LRRK1: variants seen among roughly 807,000 people sequenced by gnomAD.
LRRK1 encodes the protein leucine-rich repeat serine/threonine-protein kinase 1.
LRRK1 carries 113 observed loss-of-function variants against 209.1 expected under a neutral mutation model. That is an observed-to-expected ratio of 0.54 (90% CI 0.46 to 0.63). The LOEUF is 0.63. Among genes scored for constraint, LRRK1 ranks in the 30% least tolerant of loss-of-function variants. The pLI, the probability that LRRK1 is intolerant of heterozygous loss-of-function variation, is 0.00. For synonymous variants in LRRK1, 1,144 were observed against 1,099.7 expected, an observed-to-expected ratio of 1.04 and a Z score of -0.80; for missense variants, 2,284 against 2,632.2, an observed-to-expected ratio of 0.87 and a Z score of 2.89.
In LRRK1 at chr15:101,014,351, G is replaced by A; in HGVS notation, c.1455G>A (p.Leu485=). Residue 485 remains leucine (L), a synonymous_variant, in exon 11 of 34, where the codon CTG becomes CTA. Coordinates refer to ENST00000388948, the MANE Select transcript of LRRK1 (RefSeq NM_024652.6). The part of the protein sequence containing the change: ...LMFLRLQGNQ[L]AALPPQEKWT... Reference sequence around the variant, plus strand: ...TCTTGAGGTTACAGGGGAACCAGCTGGCGGCACTTCCACCTCAAGAGAAGT... The same window carrying A: ...TCTTGAGGTTACAGGGGAACCAGCTAGCGGCACTTCCACCTCAAGAGAAGT... The A allele has an allele frequency of 1.9e-6, 3 of 1,613,964 alleles. No individual in the cohort carries two copies. The highest frequency in any genetic ancestry group is 2.5e-6 in the Non-Finnish European group (3 of 1,179,928).
chr15:101,070,808 T>C lies in LRRK1; in HGVS notation c.*1960T>C, dbSNP rs931871374. 3.7e-5 allele frequency: 5 copies of C among 136,134 alleles called. No individual in the cohort carries two copies. The highest frequency in any genetic ancestry group is 6.4e-5 in the Non-Finnish European group (4 of 62,686). The allele number at this position is 136,134 out of a possible 1,614,324, so 8.4% of individuals were successfully genotyped here. ...CCAACTCTTAAAAAAAAAAAAAAAA[T>C]ACAGGAAATGACTAATGAACTTGAC... On this transcript the variant is annotated 3_prime_UTR_variant, in exon 34 of 34. Coordinates refer to ENST00000388948, the MANE Select transcript of LRRK1 (RefSeq NM_024652.6).
At chr15:101,056,751 GTT>G (rs2141144001) in intron 27 of LRRK1, 103 bp from the exon 28 acceptor site, 1 of 859,644 alleles carries the variant, frequency 1.2e-6, no homozygotes, top group African/African-American at 1.7e-5. Flanking sequence ...TTGAATGTTT[GTT>G]TTCCTTGTCT....
chr15:100,937,370 A>G (rs2042318838), intron 2 of LRRK1, among the ~76,000 whole-genome samples: 1 of 152,062 alleles, frequency 6.6e-6, no homozygotes, highest in Non-Finnish European at 1.5e-5. Flanking sequence ...GCTACTATTT[A>G]GTTCCCCTTT....
At chr15:101,021,024 A>G in intron 12 of LRRK1, 29 bp from the exon 13 acceptor site, 1 of 1,612,776 alleles carries the variant, frequency 6.2e-7, no homozygotes, top group South Asian at 1.1e-5. Flanking sequence ...TTATTTTTAA[A>G]TGCAGTCTGC....
chr15:100,988,701 G>A lies in LRRK1; in HGVS notation c.501G>A (p.Gly167=), dbSNP rs574380563. 1.2e-6 allele frequency: 2 copies of A among 1,614,228 alleles called. No individual in the cohort carries two copies. Among genetic ancestry groups the A allele is most frequent in the South Asian group, 2.2e-5 (2 of 91,090 alleles). Residue 167 remains glycine, a synonymous_variant, in exon 5 of 34, where the codon GGG becomes GGA. Coordinates refer to ENST00000388948, the MANE Select transcript of LRRK1 (RefSeq NM_024652.6). ...LALACQRGHL[G]VVKLLVLTHG... ...TGGCTTGCCAGCGAGGGCACCTGGG[G>A]GTTGTGAAGCTCCTGGTCCTGACGC...
intron 3 of LRRK1, among the ~76,000 whole-genome samples, chr15:100,980,451 G>T (rs2031536060): frequency 6.6e-6 from 1 of 152,172 alleles, no homozygotes; most frequent in Non-Finnish European, 1.5e-5. Context: ...ATGGGTGCGT[G>T]GCATGAGGGA....
chr15:100,924,574 C>CGGCAGT lies in LRRK1; in HGVS notation c.-51_-46dup. 6.9e-7 allele frequency: 1 copy of CGGCAGT among 1,451,052 alleles called. No homozygotes were observed. Among genetic ancestry groups the CGGCAGT allele is most frequent in the Non-Finnish European group, 9.7e-7 (1 of 1,033,240 alleles). The allele number at this position is 1,451,052 out of a possible 1,614,324, so 89.9% of individuals were successfully genotyped here. ...ACGCCTTAATGCACCCCACAGCCAG[C>CGGCAGT]GGCAGTGGCAGTGACAACAGCGGGA... On this transcript the variant is annotated 5_prime_UTR_variant, in exon 2 of 34. An upstream open reading frame in the 5' UTR loses its in-frame stop. Transcript: ENST00000388948.
chr15:101,003,229 A>G lies in LRRK1; in HGVS notation c.763-5608A>G, dbSNP rs114256116. On this transcript the variant is annotated intron_variant, in intron 6 of 33. Coordinates refer to ENST00000388948, the MANE Select transcript of LRRK1 (RefSeq NM_024652.6). ...CCAGAAACCATTTCCAAGCATGTCT[A>G]TTTTCCGAGTGTCAACATTTTTGCA... is the stretch of plus-strand genomic sequence containing the variant. Among the ~76,000 whole-genome samples, 1,015 of 152,248 alleles carry G rather than the reference A, an allele frequency of 6.7e-3. 9 individuals carry two copies. Among genetic ancestry groups the G allele is most frequent in the African/African-American group, 0.023 (954 of 41,534 alleles).
chr15:100,946,582 T>C (rs1039763323), intron 2 of LRRK1, among the ~76,000 whole-genome samples: 6 of 152,328 alleles, frequency 3.9e-5, no homozygotes, highest in Admixed American at 6.5e-5. Context: ...ATCAAATCTA[T>C]AGCATGGATG....
intron 4 of LRRK1, among the ~76,000 whole-genome samples, chr15:100,986,608 G>A (rs11636885): frequency 0.22 from 32,879 of 152,198 alleles, 3,876 homozygotes; most frequent in East Asian, 0.5. Flanking sequence ...AGAGCAGCCC[G>A]AAGAAGCTAG....
In LRRK1 at chr15:100,924,646, C is replaced by T. The variant is rs748591648; in HGVS notation, c.14C>T (p.Ser5Leu). 67 of 1,613,980 alleles carry T rather than the reference C, an allele frequency of 4.2e-5. 1 individual carries two copies. The highest frequency in any genetic ancestry group is 1.8e-4 in the South Asian group (16 of 91,072). The part of the protein sequence containing the change: MAGM[S>L]QRPPSMYWCV... ...CTGCAAGGGTTGATGGCTGGCATGTCGCAAAGACCCCCCAGCATGTACTGG... is the reference window on the plus strand; with the variant it reads ...CTGCAAGGGTTGATGGCTGGCATGTTGCAAAGACCCCCCAGCATGTACTGG... The change falls in exon 2 of 34, where the codon TCG (serine) becomes TTG (leucine). Residue 5 changes from serine (S) to leucine (L), a missense_variant. Physicochemically the swap from Ser to Leu is moderately radical, Grantham distance 145 (BLOSUM62 -2). This residue lies in a region of LRRK1 where 174 missense variants were observed against 133.5 expected (regional missense o/e 1.30). Coordinates refer to ENST00000388948, the MANE Select transcript of LRRK1 (RefSeq NM_024652.6).
chr15:100,923,920 G>A (rs1208433410), intron 1 of LRRK1, among the ~76,000 whole-genome samples: 1 of 152,212 alleles, frequency 6.6e-6, no homozygotes, highest in Non-Finnish European at 1.5e-5. Context: ...AATTTTTGAG[G>A]CTCATGTCTG....
rs1205656902 is a variant in LRRK1 at position 101,070,745 on chromosome 15, A to G, written c.*1897A>G. The G allele has an allele frequency of 1.3e-5, 2 of 151,690 alleles. No homozygotes were observed. Among genetic ancestry groups the G allele is most frequent in the African/African-American group, 2.4e-5 (1 of 41,248 alleles). 9.4% of individuals were successfully genotyped at this position (151,690 alleles called of 1,614,324 possible). A position where few individuals can be genotyped will look rare whatever the true frequency, so the allele number is the denominator to read the frequency against. Reference sequence around the variant, plus strand: ...GAGTTGGAGGTTACAGTGAGCTATGATCACACCAGCTTTCTAGCCTGGGTG... The same window carrying G: ...GAGTTGGAGGTTACAGTGAGCTATGGTCACACCAGCTTTCTAGCCTGGGTG... On this transcript the variant is annotated 3_prime_UTR_variant, in exon 34 of 34. Coordinates refer to ENST00000388948, the MANE Select transcript of LRRK1 (RefSeq NM_024652.6).
chr15:100,996,125 C>A (rs1373660002), intron 6 of LRRK1, among the ~76,000 whole-genome samples: 1 of 152,226 alleles, frequency 6.6e-6, no homozygotes, highest in Non-Finnish European at 1.5e-5. Context: ...GGTGGCCTTT[C>A]CTGAGGGACA....
At chr15:101,015,234 C>T in intron 11 of LRRK1, 92 bp from the exon 12 acceptor site, 1 of 987,552 alleles carries the variant, frequency 1.0e-6, no homozygotes, top group East Asian at 2.6e-5. Context: ...GAATTGCTCC[C>T]TATCTCCGTG....
intron 20 of LRRK1, among the ~76,000 whole-genome samples, chr15:101,030,931 A>G (rs953632351): frequency 2.6e-5 from 4 of 152,030 alleles, no homozygotes; most frequent in Non-Finnish European, 4.4e-5. Flanking sequence ...CCAAGTCCCC[A>G]AAGTCCATTG....
intron 3 of LRRK1, among the ~76,000 whole-genome samples, chr15:100,975,785 C>T (rs1434622377): frequency 6.6e-6 from 1 of 151,920 alleles, no homozygotes; most frequent in Non-Finnish European, 1.5e-5. Context: ...GGCAGCAGGA[C>T]ATGGAAACAG....
intron 31 of LRRK1, 65 bp from the exon 32 acceptor site, chr15:101,065,287 C>T: frequency 6.4e-7 from 1 of 1,563,080 alleles, no homozygotes; most frequent in Non-Finnish European, 8.6e-7. Flanking sequence ...CCAGTGCCTA[C>T]TCTGTGTCTC....
rs930186817 is a variant in LRRK1 at position 101,059,228 on chromosome 15, AAAAT to A, written c.4679+1098_4679+1101del. On this transcript the variant is annotated intron_variant, in intron 29 of 33. Coordinates refer to ENST00000388948, the MANE Select transcript of LRRK1 (RefSeq NM_024652.6). ...AACATGGTGAAACTTTGTCTCTACA[AAAAT>A]AAATAAATAACAAAAATTAGCTGGG... is the stretch of plus-strand genomic sequence containing the variant. Among the ~76,000 whole-genome samples the A allele has an allele frequency of 7.2e-5, 11 of 152,174 alleles. No individual in the cohort carries two copies. In the East Asian group the frequency reaches 2.1e-3, roughly 29 times the overall value.
Sources: allele counts gnomAD v4.1 joint callset (sites outside exome capture counted in the v4.1 genomes callset), GRCh38; gene constraint gnomAD v4.1.1; regional missense constraint gnomAD v4.1.1; transcripts MANE v1.5; gene names NCBI Gene and HGNC (gene_info 2026-07-23, HGNC 2026-07-21).